Variants in DCTN4 observed in about 807,000 individuals in gnomAD.
The protein encoded by DCTN4 is dynactin 4 (p62).
In DCTN4, 23 loss-of-function variants were observed where a neutral mutation model predicts 62.7. That is an observed-to-expected ratio of 0.37 (90% CI 0.26 to 0.52). The LOEUF is 0.52. DCTN4 is among the 20% of genes least tolerant of loss of function. The pLI, the probability that DCTN4 is intolerant of heterozygous loss-of-function variation, is 0.92. For missense variants in DCTN4, 514 were observed against 580.4 expected, an observed-to-expected ratio of 0.89 and a Z score of 1.18; for synonymous variants, 199 against 202.1, an observed-to-expected ratio of 0.98 and a Z score of 0.13.
intron 3 of DCTN4, among the ~76,000 whole-genome samples, chr5:150,750,754 G>A (rs1376263196): frequency 6.6e-6 from 1 of 152,172 alleles, no homozygotes; most frequent in Non-Finnish European, 1.5e-5. Context: ...ATGTATGGAT[G>A]CTAATAAACA....
chr5:150,746,547 C>G (rs1241170413), intron 3 of DCTN4, among the ~76,000 whole-genome samples: 8 of 152,284 alleles, frequency 5.3e-5, no homozygotes, highest in Admixed American at 5.2e-4. Flanking sequence ...CAATAAAATA[C>G]TGGCAAACCG....
rs914436926 is a variant in DCTN4, at chr5:150,709,530, C to T, written c.*1619G>A. On this transcript the variant is annotated 3_prime_UTR_variant, in exon 13 of 13. Transcript: ENST00000447998. Reference sequence around the variant, plus strand: ...AGTCTGCAAATCTGTAATTACCCATCCCCCTGCTCCAACTCCTAAGAGGCT... The same window carrying T: ...AGTCTGCAAATCTGTAATTACCCATTCCCCTGCTCCAACTCCTAAGAGGCT... 1.3e-5 allele frequency: 2 copies of T among 152,316 alleles called. No homozygotes were observed. The highest frequency in any genetic ancestry group is 4.8e-5 in the African/African-American group (2 of 41,430). The allele number at this position is 152,316 out of a possible 1,614,324, so 9.4% of individuals were successfully genotyped here.
rs1465651954 is a variant in DCTN4 at position 150,727,548 on chromosome 5, G to A, written c.834+3083C>T. On this transcript the variant is annotated intron_variant, in intron 8 of 12. Transcript: ENST00000447998. ...TCCCAGCATTTTGGGAGGCCGAGGC[G>A]GGCGGATCACGAGGTCAGAAGATCG... is the stretch of plus-strand genomic sequence containing the variant. Among the ~76,000 whole-genome samples, 5 of 151,812 alleles carry A rather than the reference G, an allele frequency of 3.3e-5. No individual in the cohort carries two copies. The East Asian group carries it at 5.8e-4, about 18-fold the overall frequency.
Position 150,742,157 on chromosome 5 carries a change from G to C in DCTN4, c.386C>G (p.Ala129Gly), listed in dbSNP as rs1330824602. Reference protein sequence around the residue: ...RDVGMADKSVASGGWQEPENP... With the variant: ...RDVGMADKSVGSGGWQEPENP... ...TTCAGGTTCCTGCCAACCGCCACTAGCTACAAAATAAAAGAATATTAAACA... is the reference window on the plus strand; with the variant it reads ...TTCAGGTTCCTGCCAACCGCCACTACCTACAAAATAAAAGAATATTAAACA... Residue 129 changes from alanine (A) to glycine (G), a missense_variant and splice_region_variant, in exon 4 of 13, where the codon GCT (alanine) becomes GGT (glycine). Coordinates refer to ENST00000447998, the MANE Select transcript of DCTN4 (RefSeq NM_016221.4). 6.2e-7 allele frequency: 1 copy of C among 1,613,304 alleles called. No individual in the cohort carries two copies. Among genetic ancestry groups the C allele is most frequent in the Non-Finnish European group, 8.5e-7 (1 of 1,179,424 alleles).
Position 150,759,015 on chromosome 5 carries a change from G to A in DCTN4, c.-22C>T, listed in dbSNP as rs200019383. The A allele has an allele frequency of 1.2e-4, 190 of 1,611,832 alleles. No homozygotes were observed. In the African/African-American group the frequency reaches 2.0e-3, roughly 17 times the overall value. Reference sequence around the variant, plus strand: ...CCATCTTGGGGAGGGAGGAGGCGATGACGCTCCCGGCGCATCACGTGACCC... The same window carrying A: ...CCATCTTGGGGAGGGAGGAGGCGATAACGCTCCCGGCGCATCACGTGACCC... On this transcript the variant is annotated 5_prime_UTR_variant, in exon 1 of 13. Coordinates refer to ENST00000447998, the MANE Select transcript of DCTN4 (RefSeq NM_016221.4).
intron 4 of DCTN4, among the ~76,000 whole-genome samples, chr5:150,740,843 A>T (rs1760742150): frequency 6.6e-6 from 1 of 152,166 alleles, no homozygotes. Flanking sequence ...AGAGGGAGCT[A>T]AGCTATGAGG....
intron 4 of DCTN4, 188 bp from the exon 5 acceptor site, chr5:150,733,663 T>C (rs1044177055): frequency 2.1e-6 from 1 of 479,654 alleles, no homozygotes. Context: ...AATGGAAAAC[T>C]GAAGTTCAAG....
intron 4 of DCTN4, chr5:150,734,340 C>T (rs1760495737): frequency 1.3e-5 from 2 of 152,222 alleles, no homozygotes; most frequent in South Asian, 2.1e-4. Context: ...CACCTTCAAA[C>T]ACACATCCTC....
intron 1 of DCTN4, chr5:150,758,125 C>A: frequency 1.0e-6 from 1 of 985,376 alleles, no homozygotes; most frequent in Non-Finnish European, 1.2e-6. Flanking sequence ...CCTTTTAATC[C>A]CTAAAGCTTA....
rs377550449 is a variant in DCTN4 at position 150,753,627 on chromosome 5, G to A, written c.237C>T (p.Cys79=). The change falls in exon 3 of 13, where the codon TGC becomes TGT. Residue 79 remains cysteine (C), a synonymous_variant. Transcript: ENST00000447998. ...TGGCCCGAGTAGAGAGGGTGTGCAT[G>A]CAGCCAGGACAGTCAAAACAATTGG... ...RCANCFDCPG[C]MHTLSTRATS... 1.2e-6 allele frequency: 2 copies of A among 1,613,956 alleles called. No homozygotes were observed. Among genetic ancestry groups the A allele is most frequent in the Non-Finnish European group, 1.7e-6 (2 of 1,179,908 alleles).
intron 12 of DCTN4, among the ~76,000 whole-genome samples, chr5:150,715,359 T>C (rs950351243): frequency 1.3e-5 from 2 of 152,252 alleles, no homozygotes; most frequent in Non-Finnish European, 2.9e-5. Flanking sequence ...AATGCCAAAA[T>C]GCTAATGGTG....
intron 3 of DCTN4, chr5:150,742,998 T>C (rs1760824440): frequency 6.4e-6 from 1 of 155,762 alleles, no homozygotes; most frequent in Admixed American, 6.5e-5. Context: ...CAGCGCACCG[T>C]GCGCCAGCCG....
chr5:150,725,019 G>A (rs906147878), intron 8 of DCTN4, among the ~76,000 whole-genome samples: 7 of 151,816 alleles, frequency 4.6e-5, no homozygotes, highest in East Asian at 3.9e-4. Context: ...TTAGCCAGGC[G>A]TAGTGGCGGG....
At chr5:150,713,382 AC>A (rs1162918053) in intron 12 of DCTN4, among the ~76,000 whole-genome samples, 1 of 151,718 alleles carries the variant, frequency 6.6e-6, no homozygotes, top group Non-Finnish European at 1.5e-5. Flanking sequence ...TCTGAAGTTA[AC>A]CCACGTTTGG....
chr5:150,708,810 C>G lies in DCTN4; in HGVS notation c.*2339G>C, dbSNP rs763172136. The G allele has an allele frequency of 6.5e-6, 1 of 152,814 alleles. No homozygotes were observed. Among genetic ancestry groups the G allele is most frequent in the Non-Finnish European group, 1.5e-5 (1 of 68,036 alleles). The allele number at this position is 152,814 out of a possible 1,614,324, so 9.5% of individuals were successfully genotyped here. A position where few individuals can be genotyped will look rare whatever the true frequency, so the allele number is the denominator to read the frequency against. On this transcript the variant is annotated 3_prime_UTR_variant, in exon 13 of 13. Transcript: ENST00000447998. The stretch of plus-strand genomic sequence containing the variant: ...GCAATAAGGCAAAACAGTAACCTGT[C>G]ATTCATAAAGATCAAGGAGTACCTC...
intron 3 of DCTN4, among the ~76,000 whole-genome samples, chr5:150,749,258 A>G (rs575939649): frequency 1.3e-5 from 2 of 152,368 alleles, no homozygotes; most frequent in East Asian, 1.9e-4. Flanking sequence ...ACTCAGTTTA[A>G]AAAACCAAAT....
At chr5:150,731,857 G>T (rs1384493180) in intron 5 of DCTN4, 2 of 1,549,594 alleles carry the variant, frequency 1.3e-6, no homozygotes, top group Non-Finnish European at 1.7e-6. Context: ...CTTCTTCAGG[G>T]TCAGCAAGAA....
chr5:150,738,574 A>G (rs1760662612), intron 4 of DCTN4, among the ~76,000 whole-genome samples: 1 of 152,204 alleles, frequency 6.6e-6, no homozygotes. Flanking sequence ...ATCCTTTATG[A>G]GCAAAACCCT....
At chr5:150,720,352 C>T (rs1561690785) in intron 9 of DCTN4, among the ~76,000 whole-genome samples, 1 of 152,042 alleles carries the variant, frequency 6.6e-6, no homozygotes, top group Non-Finnish European at 1.5e-5. Context: ...ATTTAAGAAA[C>T]TTTTGTCTTC....
Sources: gnomAD v4.1 joint callset for allele counts (sites outside exome capture counted in the v4.1 genomes callset) on GRCh38, gnomAD v4.1.1 for gene constraint, MANE v1.5 for transcripts, NCBI Gene and HGNC (gene_info 2026-07-23, HGNC 2026-07-21) for gene names.